The following ENO4 variants were observed in gnomAD, a reference collection of about 807,000 sequenced individuals.
The protein encoded by ENO4 is enolase 4.
Under a neutral mutation model 63.2 loss-of-function variants are expected in ENO4, and 53 were observed. That is an observed-to-expected ratio of 0.84 (90% CI 0.67 to 1.05). ENO4 has a LOEUF of 1.05. Ranked by LOEUF, ENO4 falls within the 50% of genes least tolerant of loss-of-function variation. The pLI, the probability that ENO4 is intolerant of heterozygous loss-of-function variation, is 0.00. For synonymous variants in ENO4, 266 were observed against 283.8 expected, an observed-to-expected ratio of 0.94 and a Z score of 0.63; for missense variants, 719 against 772.0, an observed-to-expected ratio of 0.93 and a Z score of 0.81.
intron 7 of ENO4, among the ~76,000 whole-genome samples, chr10:116,863,517 T>C (rs1198526677): frequency 2.0e-5 from 3 of 152,180 alleles, no homozygotes; most frequent in African/African-American, 7.2e-5. Flanking sequence ...CAGACTTGAT[T>C]CAAATTTCAC....
chr10:116,879,888 G>C lies in ENO4; in HGVS notation c.1625G>C (p.Arg542Pro). Residue 542 changes from arginine to proline, a missense_variant, in exon 13 of 14, where the codon CGG becomes CCG. By Grantham distance (103) the Arg-to-Pro change is moderately radical. Coordinates refer to ENST00000341276, the MANE Select transcript of ENO4 (RefSeq NM_001242699.2). Reference sequence around the variant, plus strand: ...TTTCAGGCTGTTGGGCTTGGTGTCCGGTTCATCAAGTTGGGGGGTCTTTCC... The same window carrying C: ...TTTCAGGCTGTTGGGCTTGGTGTCCCGTTCATCAAGTTGGGGGGTCTTTCC... ...LVDLAVGLGV[R>P]FIKLGGLSRG... 1 of 1,550,170 alleles carries C rather than the reference G, an allele frequency of 6.5e-7. No homozygotes were observed. Among genetic ancestry groups the C allele is most frequent in the South Asian group, 1.2e-5 (1 of 83,922 alleles).
At chr10:116,869,507 GATAAAAA>G (rs1384299399) in intron 8 of ENO4, among the ~76,000 whole-genome samples, 1 of 152,194 alleles carries the variant, frequency 6.6e-6, no homozygotes, top group African/African-American at 2.4e-5. Context: ...ACATGGCAAA[GATAAAAA>G]AGTGAAGTTT....
intron 10 of ENO4, chr10:116,911,490 T>A: frequency 1.3e-6 from 2 of 1,550,472 alleles, no homozygotes; most frequent in Non-Finnish European, 8.7e-7. Flanking sequence ...GACCCTTACA[T>A]ATGGCCAGCC....
chr10:116,867,153 G>C (rs988489106), intron 7 of ENO4, among the ~76,000 whole-genome samples: 2 of 152,112 alleles, frequency 1.3e-5, no homozygotes, highest in Non-Finnish European at 2.9e-5. Context: ...GTAATAGAGT[G>C]ATAGTTCCTG....
At chr10:116,896,473 C>T (rs899696698) in intron 10 of ENO4, among the ~76,000 whole-genome samples, 4 of 152,134 alleles carry the variant, frequency 2.6e-5, no homozygotes, top group Non-Finnish European at 5.9e-5. Flanking sequence ...CTGCACGACA[C>T]TCTTTGGTAA....
intron 7 of ENO4, among the ~76,000 whole-genome samples, chr10:116,866,746 A>G (rs1846559143): frequency 6.6e-6 from 1 of 151,840 alleles, no homozygotes; most frequent in Non-Finnish European, 1.5e-5. Flanking sequence ...TTGAGGCTGC[A>G]GTGAGCTCTG....
chr10:116,901,631 T>C (rs1847740144), intron 10 of ENO4: 2 of 1,355,322 alleles, frequency 1.5e-6, no homozygotes, highest in Non-Finnish European at 1.9e-6. Flanking sequence ...AGCTGGCCCA[T>C]CAAATGAAAA....
chr10:116,859,038 G>A lies in ENO4; in HGVS notation c.534G>A (p.Leu178=). The A allele has an allele frequency of 1.3e-6, 2 of 1,535,668 alleles. No individual in the cohort carries two copies. Among genetic ancestry groups the A allele is most frequent in the Non-Finnish European group, 1.7e-6 (2 of 1,146,666 alleles). ...KVQEDKGRKE[L]EKSLEYSTVP... ...AAGAAGATAAGGGGAGAAAAGAATT[G>A]GAAAAGAGCCTGGAATACTCAACAG... The change falls in exon 4 of 14, where the codon TTG becomes TTA. Residue 178 remains leucine, a synonymous_variant. Transcript: ENST00000341276.
intron 10 of ENO4, among the ~76,000 whole-genome samples, 184 bp downstream of exon 10, chr10:116,874,385 T>C (rs372454868): frequency 6.6e-6 from 1 of 152,200 alleles, no homozygotes; most frequent in East Asian, 1.9e-4. Context: ...AGTTGCTTTA[T>C]TTCAGCATTC....
intron 10 of ENO4, among the ~76,000 whole-genome samples, chr10:116,904,380 TA>T (rs1454314801): frequency 6.6e-6 from 1 of 151,972 alleles, no homozygotes. Flanking sequence ...TTGTACCACC[TA>T]AAAAATGGTA....
intron 6 of ENO4, among the ~76,000 whole-genome samples, 173 bp downstream of exon 6, chr10:116,861,363 A>T (rs998620608): frequency 2.0e-5 from 3 of 152,154 alleles, no homozygotes; most frequent in Admixed American, 2.0e-4. Flanking sequence ...CAAAGGGAGC[A>T]CATGCAGAGC....
Position 116,863,626 on chromosome 10 carries a change from G to A in ENO4, c.990+774G>A, listed in dbSNP as rs145983861. ...TTTTAAGCTGCATGATTAGGAAGCA[G>A]TAGGGCTGAGGACCCAGTAGGATGG... On this transcript the variant is annotated intron_variant, in intron 7 of 13. Coordinates refer to ENST00000341276, the MANE Select transcript of ENO4 (RefSeq NM_001242699.2). Among the ~76,000 whole-genome samples the A allele has an allele frequency of 2.6e-4, 40 of 152,342 alleles. No individual in the cohort carries two copies. The East Asian group carries it at 7.7e-3, about 29-fold the overall frequency.
At chr10:116,887,367 G>A (rs1044201204), downstream of ENO4, among the ~76,000 whole-genome samples, 2 of 152,214 alleles carry the variant, frequency 1.3e-5, no homozygotes, top group Non-Finnish European at 2.9e-5. Context: ...CTGCTGAGCT[G>A]CGGCCTGAAG....
intron 10 of ENO4, among the ~76,000 whole-genome samples, chr10:116,904,232 C>G (rs768353139): frequency 2.0e-5 from 3 of 152,226 alleles, no homozygotes; most frequent in Non-Finnish European, 4.4e-5. Context: ...CCTCTGTCAC[C>G]TGACTCCCAA....
At chr10:116,859,564 CTTTAT>C (rs1315938551) in intron 4 of ENO4, among the ~76,000 whole-genome samples, 3 of 152,130 alleles carry the variant, frequency 2.0e-5, no homozygotes, top group African/African-American at 7.2e-5. Flanking sequence ...CTTTATGAAA[CTTTAT>C]TTTAAAGCAA....
intron 10 of ENO4, among the ~76,000 whole-genome samples, chr10:116,905,244 T>C (rs916327129): frequency 2.0e-5 from 3 of 149,760 alleles, no homozygotes; most frequent in African/African-American, 7.4e-5. Flanking sequence ...AGTGTTTACA[T>C]GAGCACTTTA....
At position 116,909,385 on chromosome 10, in the gene ENO4, C is replaced by T. The variant is rs575427009; in HGVS notation, c.1195-2114C>T. Among the ~76,000 whole-genome samples the T allele has an allele frequency of 7.4e-4, 112 of 152,248 alleles. 2 individuals carry two copies. The South Asian group carries it at 0.022, about 30-fold the overall frequency. On this transcript the variant is annotated intron_variant, in intron 10 of 10. Coordinates refer to the ENO4 transcript ENST00000369207. ...AGATGTCTGGAAAAGACCCATAATA[C>T]AATTTTTTAAAAATTGCTTTTAGTT...
chr10:116,893,580 A>ACACACACACACACACACACACACC (rs1847413951), intron 10 of ENO4, among the ~76,000 whole-genome samples: 1 of 148,418 alleles, frequency 6.7e-6, no homozygotes, highest in African/African-American at 2.6e-5. Context: ...TCATGTGCAC[A>ACACACACACACACACACACACACC]CACACACACA....
intron 9 of ENO4, among the ~76,000 whole-genome samples, chr10:116,873,318 C>T (rs1846747502): frequency 6.6e-6 from 1 of 152,172 alleles, no homozygotes; most frequent in African/African-American, 2.4e-5. Flanking sequence ...GCAAACCAAA[C>T]AGCCACTCTG....
Sources: allele counts gnomAD v4.1 joint callset (sites outside exome capture counted in the v4.1 genomes callset), GRCh38; gene constraint gnomAD v4.1.1; transcripts MANE v1.5; gene names NCBI Gene and HGNC (gene_info 2026-07-23, HGNC 2026-07-21).